VPS13D: variants seen among roughly 807,000 people sequenced by gnomAD.
The protein encoded by VPS13D is intermembrane lipid transfer protein VPS13D.
VPS13D carries 187 observed loss-of-function variants against 461.9 expected under a neutral mutation model. That is an observed-to-expected ratio of 0.40 (90% CI 0.36 to 0.46). The LOEUF (loss-of-function observed/expected upper bound fraction) is 0.46, where lower values mean the gene tolerates loss of function less well. Among genes scored for constraint, VPS13D ranks in the 20% least tolerant of loss-of-function variants. The pLI is 0.60. For missense variants in VPS13D, 4,711 were observed against 5,364.9 expected (o/e 0.88, Z 3.81); for synonymous variants, 1,951 against 1,986.3 (o/e 0.98, Z 0.47).
intron 68 of VPS13D, among the ~76,000 whole-genome samples, chr1:12,501,692 C>T (rs2100552729): frequency 6.6e-6 from 1 of 152,302 alleles, no homozygotes; most frequent in South Asian, 2.1e-4. Flanking sequence ...GTCCTCAGTG[C>T]GTTCACAGTT....
intron 65 of VPS13D, among the ~76,000 whole-genome samples, chr1:12,418,735 A>T (rs1570134114): frequency 1.3e-5 from 2 of 152,314 alleles, no homozygotes; most frequent in East Asian, 3.9e-4. Flanking sequence ...TTGCATGGAG[A>T]CTTGAGCCAC....
intron 43 of VPS13D, 77 bp downstream of exon 43, chr1:12,345,586 C>G (rs1254999490): frequency 2.6e-6 from 4 of 1,511,588 alleles, no homozygotes; most frequent in East Asian, 2.3e-5. Context: ...TAAGCTTACT[C>G]TAATGAAACT....
intron 65 of VPS13D, among the ~76,000 whole-genome samples, chr1:12,447,276 C>T (rs1258928500): frequency 1.3e-5 from 2 of 152,156 alleles, no homozygotes; most frequent in Non-Finnish European, 2.9e-5. Context: ...TGGGTTACCT[C>T]TCTAGGTTAC....
chr1:12,379,411 A>G (rs1644242649), intron 56 of VPS13D, 77 bp from the exon 57 acceptor site: 5 of 1,335,448 alleles, frequency 3.7e-6, no homozygotes, highest in Non-Finnish European at 5.2e-6. Context: ...GAGCAAAGCC[A>G]TCATCCTCAT....
At chr1:12,371,390 C>CT (rs1286829007) in intron 54 of VPS13D, among the ~76,000 whole-genome samples, 2,489 of 135,204 alleles carry the variant, frequency 0.018, 26 homozygotes, top group African/African-American at 0.039. Context: ...ATGCTTCATT[C>CT]TTTTTTTTTT....
At position 12,497,551 on chromosome 1, in the gene VPS13D, G is replaced by T. The variant is rs751800450; in HGVS notation, c.12714G>T (p.Gly4238=). The T allele has an allele frequency of 1.2e-6, 2 of 1,614,078 alleles. No individual in the cohort carries two copies. Among genetic ancestry groups the T allele is most frequent in the Admixed American group, 3.3e-5 (2 of 60,016 alleles). ...RKPRCCTGPQ[G]LLPRYSESQA... ...CGCGTTGCTGCACGGGGCCCCAGGGGCTGCTTCCCCGATATTCTGAGAGCC... is the reference window on the plus strand; with the variant it reads ...CGCGTTGCTGCACGGGGCCCCAGGGTCTGCTTCCCCGATATTCTGAGAGCC... The change falls in exon 68 of 70, where the codon GGG becomes GGT. Residue 4238 remains glycine (G), a synonymous_variant. Coordinates refer to ENST00000620676, the MANE Select transcript of VPS13D (RefSeq NM_015378.4).
Position 12,260,785 on chromosome 1 carries a change from A to T in VPS13D, c.1203A>T (p.Glu401Asp). ...LVHDRFHKQE[E>D]LAESLREPQF... ...ATGATCGATTTCACAAACAGGAAGA[A>T]CTAGCAGAGGTAAGAAATCCTCTAC... Residue 401 changes from glutamate (E) to aspartate (D), a missense_variant, in exon 11 of 70, where the codon GAA becomes GAT. Coordinates refer to ENST00000620676, the MANE Select transcript of VPS13D (RefSeq NM_015378.4). 1.2e-6 allele frequency: 2 copies of T among 1,614,178 alleles called. No individual in the cohort carries two copies. The highest frequency in any genetic ancestry group is 2.2e-5 in the South Asian group (2 of 91,078).
intron 65 of VPS13D, among the ~76,000 whole-genome samples, chr1:12,451,765 G>A (rs761049689): frequency 1.3e-5 from 2 of 152,286 alleles, no homozygotes; most frequent in Middle Eastern, 3.4e-3. Flanking sequence ...GATGCTTTAC[G>A]TGCACACTAT....
At chr1:12,367,526 C>T (rs1469141402) in intron 52 of VPS13D, 1 of 150,388 alleles carries the variant, frequency 6.6e-6, no homozygotes, top group African/African-American at 2.5e-5. Flanking sequence ...GTTCTTGAAT[C>T]ACTTATTACA....
At chr1:12,290,182 C>T (rs546542343) in intron 22 of VPS13D, among the ~76,000 whole-genome samples, 1 of 152,260 alleles carries the variant, frequency 6.6e-6, no homozygotes, top group East Asian at 1.9e-4. Flanking sequence ...AAACTTCACT[C>T]ATATATCAGA....
intron 65 of VPS13D, among the ~76,000 whole-genome samples, chr1:12,442,451 T>C (rs1210535256): frequency 2.0e-5 from 3 of 152,200 alleles, no homozygotes; most frequent in African/African-American, 7.2e-5. Flanking sequence ...AAACTTATAT[T>C]GTGTGTTTCA....
At chr1:12,457,229 C>T (rs1645342178) in intron 66 of VPS13D, among the ~76,000 whole-genome samples, 1 of 152,228 alleles carries the variant, frequency 6.6e-6, no homozygotes. Flanking sequence ...TGGCCACACA[C>T]AGCTATGTAC....
Position 12,275,934 on chromosome 1 carries a change from G to A in VPS13D, c.2346G>A (p.Glu782=), listed in dbSNP as rs368096831. The A allele has an allele frequency of 6.2e-7, 1 of 1,613,854 alleles. No homozygotes were observed. Among genetic ancestry groups the A allele is most frequent in the African/African-American group, 1.3e-5 (1 of 74,846 alleles). ...CACCTCCTAACACCCCACCTCCCGAGTCAAGCAGCAGCAACGGAGAGAAAA... is the reference window on the plus strand; with the variant it reads ...CACCTCCTAACACCCCACCTCCCGAATCAAGCAGCAGCAACGGAGAGAAAA... ...LATPPNTPPP[E]SSSSNGEKTP... Residue 782 remains glutamate, a synonymous_variant, in exon 19 of 70, where the codon GAG becomes GAA. Transcript: ENST00000620676.
chr1:12,394,873 C>G (rs1024889925), intron 60 of VPS13D, among the ~76,000 whole-genome samples: 1 of 152,230 alleles, frequency 6.6e-6, no homozygotes, highest in African/African-American at 2.4e-5. Context: ...AGAATGCCTA[C>G]TTAGTGGGCC....
At chr1:12,388,112 A>G (rs1245986419) in intron 60 of VPS13D, among the ~76,000 whole-genome samples, 1 of 152,250 alleles carries the variant, frequency 6.6e-6, no homozygotes, top group Non-Finnish European at 1.5e-5. Flanking sequence ...ATTCTTATCA[A>G]CAATAGCATA....
intron 63 of VPS13D, 124 bp from the exon 64 acceptor site, chr1:12,414,963 C>A: frequency 8.9e-7 from 1 of 1,126,132 alleles, no homozygotes; most frequent in Non-Finnish European, 1.2e-6. Flanking sequence ...TATTTATAAA[C>A]ATCAAAACCT....
chr1:12,355,804 T>C (rs1643880447), intron 47 of VPS13D, 95 bp from the exon 48 acceptor site: 3 of 1,288,970 alleles, frequency 2.3e-6, no homozygotes, highest in African/African-American at 1.5e-5. Context: ...TACTTAGTTA[T>C]TGGTTTTTCC....
At chr1:12,268,920 C>CT in intron 16 of VPS13D, 44 bp downstream of exon 16, 1 of 1,581,882 alleles carries the variant, frequency 6.3e-7, no homozygotes, top group South Asian at 1.2e-5. Context: ...TTTTGAAAAA[C>CT]ATCTTTATTG....
chr1:12,485,952 C>T (rs1349368327), intron 67 of VPS13D, among the ~76,000 whole-genome samples: 1 of 152,220 alleles, frequency 6.6e-6, no homozygotes, highest in Non-Finnish European at 1.5e-5. Context: ...GTCCTGCCTC[C>T]TTCCTGTCCA....
Sources: gnomAD v4.1 joint callset for allele counts (sites outside exome capture counted in the v4.1 genomes callset) on GRCh38, gnomAD v4.1.1 for gene constraint, MANE v1.5 for transcripts, NCBI Gene and HGNC (gene_info 2026-07-23, HGNC 2026-07-21) for gene names.